DLG2: variants seen among roughly 807,000 people sequenced by gnomAD.
DLG2 encodes disks large homolog 2.
In DLG2, 45 loss-of-function variants were observed where a neutral mutation model predicts 132.5. The ratio of observed to expected loss-of-function variants is 0.34; its 90% CI spans 0.27 to 0.44. The LOEUF (loss-of-function observed/expected upper bound fraction) is 0.44. Ranked by LOEUF, DLG2 falls within the 20% of genes least tolerant of loss-of-function variation. The pLI is 1.00. For missense variants in DLG2, 1,045 were observed against 1,196.9 expected (o/e 0.87, Z 1.87); for synonymous variants, 424 against 419.6 (o/e 1.01, Z -0.13).
chr11:83,890,086 T>C (rs151226746), intron 15 of DLG2, among the ~76,000 whole-genome samples: 3,147 of 152,080 alleles, frequency 0.021, 115 homozygotes, highest in African/African-American at 0.071. Flanking sequence ...ATTGTGCACA[T>C]GTACCCTAAA....
chr11:83,653,644 A>G lies in DLG2; in HGVS notation c.1826-20319T>C, dbSNP rs570098219. On this transcript the variant is annotated intron_variant, in intron 18 of 27. Transcript: ENST00000376104. Reference sequence around the variant, plus strand: ...TTTGGGGCCATTTTCCCCAAGAAATACATACATTTTGTCTGTTGATAAAGT... The same window carrying G: ...TTTGGGGCCATTTTCCCCAAGAAATGCATACATTTTGTCTGTTGATAAAGT... 1.1e-4 allele frequency among the ~76,000 whole-genome samples: 16 copies of G among 152,374 alleles called. No individual in the cohort carries two copies. In the South Asian group the frequency reaches 2.9e-3, roughly 28 times the overall value.
chr11:85,032,981 C>G (rs189935495), intron 6 of DLG2, among the ~76,000 whole-genome samples: 1 of 152,228 alleles, frequency 6.6e-6, no homozygotes, highest in African/African-American at 2.4e-5. Context: ...GACAAGAAAA[C>G]GTCCTAAACT....
intron 18 of DLG2, among the ~76,000 whole-genome samples, chr11:83,691,232 A>G (rs947161943): frequency 1.3e-5 from 2 of 152,168 alleles, no homozygotes; most frequent in African/African-American, 2.4e-5. Context: ...GATCTCACCT[A>G]GAGTTCAGGA....
chr11:85,237,646 G>A (rs1336701359), intron 4 of DLG2, among the ~76,000 whole-genome samples: 1 of 151,988 alleles, frequency 6.6e-6, no homozygotes, highest in Non-Finnish European at 1.5e-5. Flanking sequence ...TGACCAGATG[G>A]GAGGTCAGAC....
intron 6 of DLG2, among the ~76,000 whole-genome samples, chr11:84,684,880 T>A (rs902075583): frequency 2.6e-5 from 4 of 152,242 alleles, no homozygotes; most frequent in African/African-American, 9.6e-5. Flanking sequence ...GATACAGAAT[T>A]AAGTGGAATA....
chr11:83,476,019 G>A (rs971862490), intron 22 of DLG2, among the ~76,000 whole-genome samples: 3 of 152,078 alleles, frequency 2.0e-5, no homozygotes, highest in African/African-American at 7.2e-5. Flanking sequence ...CTGGAAGCCA[G>A]TCACAATGAG....
chr11:85,485,036 G>T (rs2093396090), intron 3 of DLG2, among the ~76,000 whole-genome samples: 1 of 152,176 alleles, frequency 6.6e-6, no homozygotes, highest in Non-Finnish European at 1.5e-5. Flanking sequence ...AAAATGATGA[G>T]TTCATGTCCT....
chr11:84,464,349 C>A (rs1301724301), intron 7 of DLG2, among the ~76,000 whole-genome samples: 2 of 151,158 alleles, frequency 1.3e-5, no homozygotes, highest in Admixed American at 6.6e-5. Context: ...CATTCAGCTT[C>A]AGACTTAAGC....
At chr11:85,511,087 C>G (rs1311564883) in intron 3 of DLG2, among the ~76,000 whole-genome samples, 1 of 151,966 alleles carries the variant, frequency 6.6e-6, no homozygotes, top group East Asian at 1.9e-4. Context: ...ATGGATGAAG[C>G]TGGAAACCAT....
intron 3 of DLG2, among the ~76,000 whole-genome samples, chr11:85,292,277 G>T (rs751513313): frequency 6.6e-6 from 1 of 152,016 alleles, no homozygotes; most frequent in Non-Finnish European, 1.5e-5. Context: ...TGTGGTAAAC[G>T]TCCTATCTTA....
chr11:84,108,104 G>C (rs908205437), intron 9 of DLG2, among the ~76,000 whole-genome samples: 1 of 152,092 alleles, frequency 6.6e-6, no homozygotes, highest in Admixed American at 6.6e-5. Context: ...CGTAAGGGAA[G>C]ATACTCAGAC....
chr11:84,648,525 G>A (rs967596824), intron 6 of DLG2, among the ~76,000 whole-genome samples: 6 of 151,896 alleles, frequency 4.0e-5, no homozygotes, highest in South Asian at 2.1e-4. Flanking sequence ...TGTCTCCTCC[G>A]CATCTCATGT....
chr11:83,498,818 C>A (rs1392860573), intron 21 of DLG2, among the ~76,000 whole-genome samples: 2 of 149,418 alleles, frequency 1.3e-5, no homozygotes, highest in African/African-American at 4.9e-5. Context: ...TTAACCTTAG[C>A]TAGACTGACC....
At chr11:84,973,556 G>A (rs1429514229) in intron 6 of DLG2, among the ~76,000 whole-genome samples, 1 of 152,152 alleles carries the variant, frequency 6.6e-6, no homozygotes, top group African/African-American at 2.4e-5. Context: ...TAAAATTAAA[G>A]TGCATTATTA....
At chr11:83,640,804 A>C (rs1055428230) in intron 18 of DLG2, among the ~76,000 whole-genome samples, 3 of 152,214 alleles carry the variant, frequency 2.0e-5, no homozygotes, top group Admixed American at 2.0e-4. Context: ...AAAGACGCTA[A>C]TACAGTCAGT....
chr11:83,897,270 T>C (rs2072030157), intron 15 of DLG2, among the ~76,000 whole-genome samples: 1 of 152,186 alleles, frequency 6.6e-6, no homozygotes. Context: ...ATAGCTGAAT[T>C]ACAACTCTTG....
chr11:84,749,471 A>G (rs1326338944), intron 6 of DLG2, among the ~76,000 whole-genome samples: 1 of 152,162 alleles, frequency 6.6e-6, no homozygotes, highest in Admixed American at 6.5e-5. Flanking sequence ...ATATGTATAT[A>G]TGTTTAGGTA....
At chr11:84,956,473 T>C (rs1158809389) in intron 6 of DLG2, among the ~76,000 whole-genome samples, 1 of 152,192 alleles carries the variant, frequency 6.6e-6, no homozygotes, top group Admixed American at 6.5e-5. Context: ...CGGCTACATA[T>C]GAATACCCAT....
At chr11:85,153,032 T>C (rs2077357039) in intron 5 of DLG2, among the ~76,000 whole-genome samples, 1 of 152,230 alleles carries the variant, frequency 6.6e-6, no homozygotes, top group South Asian at 2.1e-4. Context: ...GCATGCAACA[T>C]CTAGAGCATT....
Sources: allele counts gnomAD v4.1 joint callset (sites outside exome capture counted in the v4.1 genomes callset), GRCh38; gene constraint gnomAD v4.1.1; transcripts MANE v1.5; gene names NCBI Gene and HGNC (gene_info 2026-07-23, HGNC 2026-07-21).